HIVEP2: variants seen among roughly 807,000 people sequenced by gnomAD.
HIVEP2 encodes the protein HIVEP zinc finger 2, also known as transcription factor HIVEP2.
A neutral mutation model predicts 180.7 loss-of-function variants in HIVEP2; 14 were observed. That is an observed-to-expected ratio of 0.08 (90% CI 0.05 to 0.12). HIVEP2 has a LOEUF of 0.12. Ranked by LOEUF, HIVEP2 falls within the 10% of genes least tolerant of loss-of-function variation. The pLI is 1.00. For synonymous variants in HIVEP2, 1,184 were observed against 1,136.4 expected, an observed-to-expected ratio of 1.04 and a Z score of -0.84; for missense variants, 2,579 against 3,008.5, an observed-to-expected ratio of 0.86 and a Z score of 3.34.
chr6:142,933,345 G>A (rs763812802), intron 1 of HIVEP2, among the ~76,000 whole-genome samples: 3 of 152,160 alleles, frequency 2.0e-5, no homozygotes, highest in Non-Finnish European at 4.4e-5. Context: ...TGGCTCAAAG[G>A]AAATTAAAAA....
intron 2 of HIVEP2, among the ~76,000 whole-genome samples, chr6:142,810,169 C>G (rs1476471856): frequency 6.6e-6 from 1 of 152,156 alleles, no homozygotes; most frequent in African/African-American, 2.4e-5. Flanking sequence ...AAATAAGCAC[C>G]TAACAGAGCT....
intron 2 of HIVEP2, among the ~76,000 whole-genome samples, chr6:142,789,400 C>G (rs1022798397): frequency 6.6e-6 from 1 of 152,112 alleles, no homozygotes. Context: ...TTTTCTTGAC[C>G]CAATTTGACA....
intron 1 of HIVEP2, among the ~76,000 whole-genome samples, chr6:142,885,096 T>A (rs1200107405): frequency 1.3e-5 from 2 of 152,150 alleles, no homozygotes; most frequent in East Asian, 3.9e-4. Flanking sequence ...CATGGACCAA[T>A]CTAACTGATT....
intron 1 of HIVEP2, among the ~76,000 whole-genome samples, chr6:142,909,757 C>G (rs960299482): frequency 2.0e-5 from 3 of 152,152 alleles, no homozygotes; most frequent in African/African-American, 7.2e-5. Flanking sequence ...ATAACAGTAT[C>G]ATATGGGGCA....
In HIVEP2 at chr6:142,753,409, C is replaced by T. The variant is rs750152799; in HGVS notation, c.7039G>A (p.Gly2347Arg). 17 of 1,613,754 alleles carry T rather than the reference C, an allele frequency of 1.1e-5. No homozygotes were observed. Among genetic ancestry groups the T allele is most frequent in the Admixed American group, 1.7e-5 (1 of 60,008 alleles). The change falls in exon 10 of 10, where the codon GGG becomes AGG. Residue 2347 changes from glycine (G) to arginine (R), a missense_variant. Physicochemically the swap from Gly to Arg is moderately radical, Grantham distance 125 (BLOSUM62 -2). This residue lies in a region of HIVEP2 where 660 missense variants were observed against 731.7 expected (regional missense o/e 0.90). Transcript: ENST00000367603. Reference sequence around the variant, plus strand: ...TGCACCCGCGCTGGCTGATCTGGCCCGAGCAGAGCTGCCTCTTCCGTGGCA... The same window carrying T: ...TGCACCCGCGCTGGCTGATCTGGCCTGAGCAGAGCTGCCTCTTCCGTGGCA... ...RIATEEAALL[G>R]PDQPARVQEP...
chr6:142,876,318 T>C (rs189146682), intron 1 of HIVEP2, among the ~76,000 whole-genome samples: 1 of 152,320 alleles, frequency 6.6e-6, no homozygotes, highest in East Asian at 1.9e-4. Flanking sequence ...AACAGGTCTC[T>C]GGATTCCACT....
intron 1 of HIVEP2, among the ~76,000 whole-genome samples, chr6:142,876,997 T>G (rs930489959): frequency 2.0e-4 from 30 of 152,152 alleles, no homozygotes; most frequent in African/African-American, 6.3e-4. Context: ...TGCAGTAAGC[T>G]GAGATCGCAC....
At chr6:142,856,327 T>C (rs2114939326) in intron 1 of HIVEP2, among the ~76,000 whole-genome samples, 1 of 152,324 alleles carries the variant, frequency 6.6e-6, no homozygotes, top group South Asian at 2.1e-4. Flanking sequence ...TTTGACTTGC[T>C]TGGGTCACTG....
intron 7 of HIVEP2, among the ~76,000 whole-genome samples, chr6:142,763,815 G>A (rs1037648426): frequency 6.6e-6 from 1 of 152,158 alleles, no homozygotes; most frequent in African/African-American, 2.4e-5. Context: ...AGCTTCAAAT[G>A]AGGCAATTCT....
At chr6:142,893,494 G>C (rs1035701793) in intron 1 of HIVEP2, among the ~76,000 whole-genome samples, 26 of 152,144 alleles carry the variant, frequency 1.7e-4, no homozygotes, top group African/African-American at 6.0e-4. Context: ...TCACAATTTT[G>C]CCAGGCAAGT....
At chr6:142,887,220 A>AT (rs979184949) in intron 1 of HIVEP2, among the ~76,000 whole-genome samples, 1 of 152,132 alleles carries the variant, frequency 6.6e-6, no homozygotes, top group Non-Finnish European at 1.5e-5. Context: ...TTCATTATGC[A>AT]TTTTTTTGGA....
At chr6:142,839,215 C>A (rs964980094) in intron 1 of HIVEP2, among the ~76,000 whole-genome samples, 2 of 152,050 alleles carry the variant, frequency 1.3e-5, no homozygotes, top group Non-Finnish European at 2.9e-5. Context: ...TTAAAAATAA[C>A]CACATATAAT....
chr6:142,760,357 A>T lies in HIVEP2; in HGVS notation c.5931T>A (p.Ser1977Arg), dbSNP rs768582619. The T allele has an allele frequency of 6.2e-7, 1 of 1,614,208 alleles. No homozygotes were observed. The highest frequency in any genetic ancestry group is 8.5e-7 in the Non-Finnish European group (1 of 1,180,036). Residue 1977 changes from serine to arginine, a missense_variant, in exon 9 of 10, where the codon AGT (serine) becomes AGA (arginine). Physicochemically the swap from Ser to Arg is moderately radical, Grantham distance 110 (BLOSUM62 -1). Coordinates refer to ENST00000367603, the MANE Select transcript of HIVEP2 (RefSeq NM_006734.4). ...SLISYLVTLP[S>R]IRVTQLMTPS... Reference sequence around the variant, plus strand: ...GTGTCATAAGCTGAGTAACTCGAATACTTGGCAAAGTAACCAAATAGCTGA... The same window carrying T: ...GTGTCATAAGCTGAGTAACTCGAATTCTTGGCAAAGTAACCAAATAGCTGA...
intron 1 of HIVEP2, among the ~76,000 whole-genome samples, chr6:142,840,519 A>AT: frequency 6.6e-6 from 1 of 152,232 alleles, no homozygotes. Flanking sequence ...CCATGTAAGC[A>AT]TATTTTCACT....
intron 1 of HIVEP2, among the ~76,000 whole-genome samples, chr6:142,935,983 C>G (rs186497738): frequency 6.6e-6 from 1 of 151,684 alleles, no homozygotes; most frequent in Non-Finnish European, 1.5e-5. Context: ...CATGGTGGTG[C>G]CAGCCTGCAG....
In HIVEP2 at chr6:142,753,547, A is replaced by G. The variant is rs138666850; in HGVS notation, c.6901T>C (p.Ser2301Pro). The G allele has an allele frequency of 2.9e-5, 47 of 1,614,046 alleles. No homozygotes were observed. The highest frequency in any genetic ancestry group is 3.3e-4 in the Middle Eastern group (2 of 6,060). ...CTCTGTTTCATCAACAGCCGAGGAG[A>G]GGAGGGAGTGCTAGGTGGACCAGAT... ...QSSGPPSTPS[S>P]PRLLMKQSTS... The change falls in exon 10 of 10, where the codon TCT becomes CCT. Residue 2301 changes from serine to proline, a missense_variant. This residue lies in a region of HIVEP2 where 660 missense variants were observed against 731.7 expected (regional missense o/e 0.90). Coordinates refer to ENST00000367603, the MANE Select transcript of HIVEP2 (RefSeq NM_006734.4).
chr6:142,893,038 T>C (rs1490439892), intron 1 of HIVEP2, among the ~76,000 whole-genome samples: 1 of 152,170 alleles, frequency 6.6e-6, no homozygotes, highest in Non-Finnish European at 1.5e-5. Context: ...AAAGCAAATA[T>C]CCCACTCAAT....
rs988567274 is a variant in HIVEP2 at position 142,772,861 on chromosome 6, C to G, written c.1878G>C (p.Lys626Asn). The G allele has an allele frequency of 1.2e-6, 2 of 1,614,086 alleles. No individual in the cohort carries two copies. The highest frequency in any genetic ancestry group is 2.2e-5 in the East Asian group (1 of 44,900). ...CAACCCTGTCCCCAGGAGACAATTTCTTTTCCTTCAGGGATGAACTGCTGA... is the reference window on the plus strand; with the variant it reads ...CAACCCTGTCCCCAGGAGACAATTTGTTTTCCTTCAGGGATGAACTGCTGA... ...KGISSSSLKEKKLSPGDRVGY... is the reference protein window; with the variant it reads ...KGISSSSLKENKLSPGDRVGY... The change falls in exon 5 of 10, where the codon AAG becomes AAC. Residue 626 changes from lysine (K) to asparagine (N), a missense_variant. Lys to Asn is a moderately conservative substitution (Grantham distance 94). Transcript: ENST00000367603. The surrounding 1 kb of genome is among the most constrained non-coding windows in gnomAD (Gnocchi z 4.9).
chr6:142,812,149 A>G (rs1416768964), intron 2 of HIVEP2, among the ~76,000 whole-genome samples: 1 of 152,220 alleles, frequency 6.6e-6, no homozygotes, highest in East Asian at 1.9e-4. Context: ...TAAAGGTCAC[A>G]GGGTGAAATA....
Sources: allele counts gnomAD v4.1 joint callset (sites outside exome capture counted in the v4.1 genomes callset), GRCh38; gene constraint gnomAD v4.1.1; regional missense constraint gnomAD v4.1.1; non-coding constraint Gnocchi (gnomAD v3.1); transcripts MANE v1.5; gene names NCBI Gene and HGNC (gene_info 2026-07-23, HGNC 2026-07-21).